Variants in GRM8 observed in about 807,000 individuals in gnomAD.
GRM8 encodes the protein glutamate metabotropic receptor 8.
GRM8 carries 47 observed loss-of-function variants against 87.2 expected under a neutral mutation model. That is an observed-to-expected ratio of 0.54 (90% CI 0.43 to 0.69). GRM8 has a LOEUF of 0.69. GRM8 is among the 30% of genes least tolerant of loss of function. GRM8 has a pLI of 0.00. For missense variants in GRM8, 1,019 were observed against 1,139.2 expected (o/e 0.89, Z 1.52); for synonymous variants, 396 against 404.5 (o/e 0.98, Z 0.25).
At chr7:126,852,072 T>C (rs531174461) in intron 6 of GRM8, among the ~76,000 whole-genome samples, 1 of 152,238 alleles carries the variant, frequency 6.6e-6, no homozygotes, top group Non-Finnish European at 1.5e-5. Context: ...GGGTTGGTGT[T>C]AAATATGCAT....
intron 7 of GRM8, among the ~76,000 whole-genome samples, chr7:126,628,353 C>G (rs1233953117): frequency 6.6e-6 from 1 of 152,124 alleles, no homozygotes; most frequent in Non-Finnish European, 1.5e-5. Flanking sequence ...CCTAGTCCCT[C>G]TTTTCCTATT....
At chr7:126,892,225 G>T (rs1169253004) in intron 6 of GRM8, among the ~76,000 whole-genome samples, 1 of 151,774 alleles carries the variant, frequency 6.6e-6, no homozygotes, top group African/African-American at 2.4e-5. Context: ...CATGTGCCAT[G>T]CTGGTGTGCT....
chr7:127,015,182 A>G (rs28730362), intron 3 of GRM8, among the ~76,000 whole-genome samples: 2,025 of 50,812 alleles, frequency 0.04, 187 homozygotes, highest in East Asian at 0.057. Flanking sequence ...GAAGGAGAAG[A>G]AGAAGAAGAA....
chr7:127,229,329 T>C (rs1797539187), intron 2 of GRM8: 1 of 152,114 alleles, frequency 6.6e-6, no homozygotes, highest in Non-Finnish European at 1.5e-5. Flanking sequence ...TGGTGCTGGG[T>C]TTTTTCATTT....
chr7:126,484,874 C>G (rs959576464), intron 9 of GRM8, among the ~76,000 whole-genome samples: 1 of 127,998 alleles, frequency 7.8e-6, no homozygotes, highest in African/African-American at 3.2e-5. Flanking sequence ...TATCGTTAAA[C>G]GTTTTTTGTT....
intron 3 of GRM8, among the ~76,000 whole-genome samples, chr7:127,039,028 A>G (rs1258039894): frequency 6.6e-6 from 1 of 152,224 alleles, no homozygotes; most frequent in Non-Finnish European, 1.5e-5. Flanking sequence ...AACTTAGTGC[A>G]CTGCAATCTG....
intron 2 of GRM8, among the ~76,000 whole-genome samples, chr7:127,201,609 T>C (rs934442208): frequency 6.6e-6 from 1 of 152,242 alleles, no homozygotes; most frequent in African/African-American, 2.4e-5. Context: ...TTTGTAGTTA[T>C]CCTTCATGTT....
chr7:126,670,020 A>G (rs1806218871), intron 7 of GRM8, among the ~76,000 whole-genome samples: 1 of 152,260 alleles, frequency 6.6e-6, no homozygotes, highest in Non-Finnish European at 1.5e-5. Flanking sequence ...ACATTAAAAT[A>G]TAAGAACAAC....
chr7:126,971,841 G>A (rs1810463170), intron 3 of GRM8, among the ~76,000 whole-genome samples: 1 of 152,114 alleles, frequency 6.6e-6, no homozygotes, highest in Non-Finnish European at 1.5e-5. Flanking sequence ...AAAGACCCAG[G>A]AGGAAATAGC....
chr7:126,640,851 T>A (rs1172980717), intron 7 of GRM8, among the ~76,000 whole-genome samples: 1 of 151,810 alleles, frequency 6.6e-6, no homozygotes, highest in African/African-American at 2.4e-5. Context: ...AGCGTCCCTA[T>A]CTGAATTATA....
At chr7:127,160,313 G>A (rs1249676906) in intron 2 of GRM8, among the ~76,000 whole-genome samples, 1 of 152,086 alleles carries the variant, frequency 6.6e-6, no homozygotes, top group Non-Finnish European at 1.5e-5. Context: ...AAGGATAGAA[G>A]AAACTCACTC....
chr7:126,764,043 G>C (rs958545842), intron 7 of GRM8, among the ~76,000 whole-genome samples: 1 of 151,810 alleles, frequency 6.6e-6, no homozygotes, highest in Non-Finnish European at 1.5e-5. Flanking sequence ...TTAATACTAT[G>C]TAGAAAAGTC....
chr7:126,636,533 T>C (rs1801872127), intron 7 of GRM8, among the ~76,000 whole-genome samples: 1 of 152,148 alleles, frequency 6.6e-6, no homozygotes, highest in Non-Finnish European at 1.5e-5. Context: ...ATGCAATTTT[T>C]TAAAAAATAT....
intron 10 of GRM8, among the ~76,000 whole-genome samples, chr7:126,439,667 G>T (rs1448004149): frequency 6.6e-6 from 1 of 151,990 alleles, no homozygotes; most frequent in Non-Finnish European, 1.5e-5. Flanking sequence ...CTGTAAAATG[G>T]CCTCAGGCAG....
Position 126,563,660 on chromosome 7 carries a change from G to C in GRM8, c.1495-29773C>G, listed in dbSNP as rs556871206. Among the ~76,000 whole-genome samples the C allele has an allele frequency of 2.0e-4, 30 of 152,008 alleles. No homozygotes were observed. In the South Asian group the frequency reaches 5.8e-3, roughly 30 times the overall value. On this transcript the variant is annotated intron_variant, in intron 8 of 10. Coordinates refer to ENST00000339582, the MANE Select transcript of GRM8 (RefSeq NM_000845.3). ...CCTCTGGGAAAGAGCCATGTTTAGG[G>C]GAGTGGCTTTGGCTCTTTCCCTCAA...
intron 3 of GRM8, among the ~76,000 whole-genome samples, chr7:127,005,841 A>T (rs1304276023): frequency 6.6e-6 from 1 of 151,854 alleles, no homozygotes; most frequent in Non-Finnish European, 1.5e-5. Context: ...GAATTAACTG[A>T]TTTTATGTAA....
chr7:127,243,072 C>T lies in GRM8; in HGVS notation c.133G>A (p.Asp45Asn). ...EYAHSIRVDG[D>N]IILGGLFPVH... ...GGGAAGAGACCCCCCAAAATAATGTCCCCATCCACCCGTATGGAATGGGCA... is the reference window on the plus strand; with the variant it reads ...GGGAAGAGACCCCCCAAAATAATGTTCCCATCCACCCGTATGGAATGGGCA... Residue 45 changes from aspartate to asparagine, a missense_variant, in exon 2 of 11, where the codon GAC (aspartate) becomes AAC (asparagine). Coordinates refer to ENST00000339582, the MANE Select transcript of GRM8 (RefSeq NM_000845.3). The T allele has an allele frequency of 1.2e-6, 2 of 1,614,022 alleles. No individual in the cohort carries two copies. Among genetic ancestry groups the T allele is most frequent in the South Asian group, 1.1e-5 (1 of 91,078 alleles).
intron 7 of GRM8, among the ~76,000 whole-genome samples, chr7:126,769,098 A>C (rs528413132): frequency 4.6e-5 from 7 of 152,164 alleles, no homozygotes; most frequent in African/African-American, 1.4e-4. Flanking sequence ...AGCCAAACCA[A>C]AAGTATTAGA....
At chr7:126,512,617 T>C (rs1463993283) in intron 9 of GRM8, 1 of 152,100 alleles carries the variant, frequency 6.6e-6, no homozygotes, top group Admixed American at 6.6e-5. Flanking sequence ...AATCTACAGC[T>C]GAAACACAGG....
Sources: allele counts gnomAD v4.1 joint callset (sites outside exome capture counted in the v4.1 genomes callset), GRCh38; gene constraint gnomAD v4.1.1; transcripts MANE v1.5; gene names NCBI Gene and HGNC (gene_info 2026-07-23, HGNC 2026-07-21).